Variants in DIAPH3 observed in about 807,000 individuals in gnomAD.
DIAPH3 encodes diaphanous related formin 3.
Under a neutral mutation model 144.3 loss-of-function variants are expected in DIAPH3, and 117 were observed. The ratio of observed to expected loss-of-function variants is 0.81; its 90% CI spans 0.70 to 0.95. The LOEUF is 0.95. Ranked by LOEUF, DIAPH3 falls within the 40% of genes least tolerant of loss-of-function variation. The pLI is 0.00. For missense variants in DIAPH3, 1,421 were observed against 1,412.7 expected, an observed-to-expected ratio of 1.01 and a Z score of -0.09; for synonymous variants, 519 against 488.9, an observed-to-expected ratio of 1.06 and a Z score of -0.81.
chr13:59,795,455 C>CA, intron 25 of DIAPH3, among the ~76,000 whole-genome samples: 2 of 136,874 alleles, frequency 1.5e-5, no homozygotes, highest in Non-Finnish European at 3.2e-5. Context: ...TTCTCTCTCT[C>CA]TTTTTTTTTT....
intron 27 of DIAPH3, among the ~76,000 whole-genome samples, chr13:59,723,765 C>T (rs1042570312): frequency 1.3e-5 from 2 of 151,442 alleles, no homozygotes; most frequent in African/African-American, 4.9e-5. Flanking sequence ...TGTGTGCCAC[C>T]GCACCCAGCT....
intron 27 of DIAPH3, among the ~76,000 whole-genome samples, chr13:59,740,174 T>C (rs2036377674): frequency 2.0e-5 from 3 of 152,212 alleles, no homozygotes; most frequent in African/African-American, 7.2e-5. Flanking sequence ...ACAGAATTGT[T>C]TCAGACTATT....
intron 27 of DIAPH3, among the ~76,000 whole-genome samples, chr13:59,691,801 G>T (rs1453606933): frequency 6.6e-6 from 1 of 152,132 alleles, no homozygotes; most frequent in African/African-American, 2.4e-5. Context: ...TTTGCAGAGG[G>T]CTGACTGAGG....
intron 5 of DIAPH3, 151 bp from the exon 6 acceptor site, chr13:60,016,296 T>C: frequency 1.3e-6 from 1 of 796,580 alleles, no homozygotes; most frequent in Non-Finnish European, 2.0e-6. Context: ...TCATGACTCA[T>C]CTTAGTTGTG....
chr13:59,720,627 A>C (rs2035295119), intron 27 of DIAPH3, among the ~76,000 whole-genome samples: 1 of 152,150 alleles, frequency 6.6e-6, no homozygotes, highest in Admixed American at 6.6e-5. Flanking sequence ...ATGGTCGAAC[A>C]AATAAAATGC....
intron 24 of DIAPH3, among the ~76,000 whole-genome samples, chr13:59,829,106 A>C (rs532551426): frequency 6.6e-6 from 1 of 152,108 alleles, no homozygotes; most frequent in Non-Finnish European, 1.5e-5. Flanking sequence ...GTATCTATAC[A>C]TATTAGTCGT....
At position 59,992,190 on chromosome 13, in the gene DIAPH3, G is replaced by A. The variant is rs764668240; in HGVS notation, c.1126-4C>T. 1 of 1,593,974 alleles carries A rather than the reference G, an allele frequency of 6.3e-7. No homozygotes were observed. Among genetic ancestry groups the A allele is most frequent in the South Asian group, 1.1e-5 (1 of 90,424 alleles). ...CATTCTTAATGCATTTTAAATTCTA[G>A]AGATATGAAATAGAAATTATGATGA... On this transcript the variant is annotated splice_region_variant and splice_polypyrimidine_tract_variant and intron_variant, in intron 10 of 27. Transcript: ENST00000400324.
At chr13:59,796,292 C>T (rs555578603) in intron 25 of DIAPH3, among the ~76,000 whole-genome samples, 2 of 152,152 alleles carry the variant, frequency 1.3e-5, no homozygotes, top group African/African-American at 4.8e-5. Context: ...GGCCACTCTA[C>T]CTTTTATGAC....
At chr13:60,061,172 A>G (rs548864783) in intron 4 of DIAPH3, among the ~76,000 whole-genome samples, 1 of 152,256 alleles carries the variant, frequency 6.6e-6, no homozygotes, top group South Asian at 2.1e-4. Flanking sequence ...AAGCAGAATA[A>G]CAAAAGCACT....
chr13:59,762,262 A>G (rs982533626), intron 27 of DIAPH3, among the ~76,000 whole-genome samples: 4 of 151,822 alleles, frequency 2.6e-5, no homozygotes, highest in Non-Finnish European at 5.9e-5. Context: ...GGGTTTCACC[A>G]TGTTGGCCAG....
At chr13:60,111,686 T>C (rs991334499) in intron 3 of DIAPH3, among the ~76,000 whole-genome samples, 2 of 152,132 alleles carry the variant, frequency 1.3e-5, no homozygotes, top group African/African-American at 2.4e-5. Context: ...CATGGAAAAA[T>C]TGTCTTCCAT....
chr13:59,852,154 A>G (rs868263114), intron 22 of DIAPH3, among the ~76,000 whole-genome samples: 2 of 152,208 alleles, frequency 1.3e-5, no homozygotes, highest in African/African-American at 4.8e-5. Flanking sequence ...CCACCATCAC[A>G]GTGGTAGACA....
chr13:60,013,329 G>A (rs1276152109), intron 7 of DIAPH3: 2 of 474,974 alleles, frequency 4.2e-6, no homozygotes, highest in East Asian at 1.5e-4. Flanking sequence ...CCCAACATCT[G>A]GACGCACACA....
At chr13:59,867,885 CA>C (rs2044023652) in intron 21 of DIAPH3, among the ~76,000 whole-genome samples, 1 of 152,010 alleles carries the variant, frequency 6.6e-6, no homozygotes, top group Admixed American at 6.6e-5. Context: ...AAACAATCTG[CA>C]AGGGAACAAA....
intron 4 of DIAPH3, among the ~76,000 whole-genome samples, chr13:60,087,502 T>C (rs1016485769): frequency 6.6e-5 from 10 of 152,224 alleles, no homozygotes; most frequent in South Asian, 2.1e-4. Context: ...AGTTGTTTCA[T>C]TGTGTTGCTT....
At chr13:59,888,021 T>C (rs2045559845) in intron 20 of DIAPH3, among the ~76,000 whole-genome samples, 1 of 152,114 alleles carries the variant, frequency 6.6e-6, no homozygotes, top group African/African-American at 2.4e-5. Context: ...ACCCATGATA[T>C]TTTTCATGTG....
intron 21 of DIAPH3, among the ~76,000 whole-genome samples, chr13:59,873,686 T>A (rs1566447662): frequency 6.6e-6 from 1 of 150,516 alleles, no homozygotes; most frequent in Non-Finnish European, 1.5e-5. Flanking sequence ...TCTTTTTTTT[T>A]TTTTTTTTTC....
At chr13:59,959,986 T>G (rs556709138) in intron 17 of DIAPH3, among the ~76,000 whole-genome samples, 6 of 152,318 alleles carry the variant, frequency 3.9e-5, no homozygotes, top group African/African-American at 1.4e-4. Context: ...TAACCAATTC[T>G]AGGACCACCA....
intron 4 of DIAPH3, among the ~76,000 whole-genome samples, chr13:60,082,847 A>C (rs2057607951): frequency 6.6e-6 from 1 of 152,066 alleles, no homozygotes; most frequent in Admixed American, 6.6e-5. Context: ...AGAGTGTGAA[A>C]TGTAATGGCT....
Sources: gnomAD v4.1 joint callset for allele counts (sites outside exome capture counted in the v4.1 genomes callset) on GRCh38, gnomAD v4.1.1 for gene constraint, MANE v1.5 for transcripts, NCBI Gene and HGNC (gene_info 2026-07-23, HGNC 2026-07-21) for gene names.